ANAPC7: variants seen among roughly 807,000 people sequenced by gnomAD.
ANAPC7 encodes the protein anaphase promoting complex subunit 7.
Under a neutral mutation model 63.3 loss-of-function variants are expected in ANAPC7, and 25 were observed. That is an observed-to-expected ratio of 0.39 (90% CI 0.29 to 0.55). The LOEUF (loss-of-function observed/expected upper bound fraction) is 0.55. Among genes scored for constraint, ANAPC7 ranks in the 20% least tolerant of loss-of-function variants. The pLI, the probability that ANAPC7 is intolerant of heterozygous loss-of-function variation, is 0.57. For missense variants in ANAPC7, 516 were observed against 691.7 expected (o/e 0.75, Z 2.85); for synonymous variants, 241 against 251.7 (o/e 0.96, Z 0.40).
intron 3 of ANAPC7, among the ~76,000 whole-genome samples, chr12:110,391,889 C>T (rs972445112): frequency 2.0e-4 from 30 of 151,906 alleles, no homozygotes; most frequent in African/African-American, 7.0e-4. Context: ...AAGGTCAGAT[C>T]GAGACCATCC....
At chr12:110,382,455 A>ACATATATAT (rs1306028353) in intron 7 of ANAPC7, among the ~76,000 whole-genome samples, 2 of 70,492 alleles carry the variant, frequency 2.8e-5, no homozygotes, top group Admixed American at 1.9e-4. Flanking sequence ...AAAAAAAAAA[A>ACATATATAT]AAAAAAATAT....
intron 6 of ANAPC7, among the ~76,000 whole-genome samples, chr12:110,385,364 T>C (rs1402805198): frequency 6.6e-6 from 1 of 152,226 alleles, no homozygotes; most frequent in Non-Finnish European, 1.5e-5. Context: ...TACCCATCTC[T>C]TGCCACCATT....
intron 9 of ANAPC7, among the ~76,000 whole-genome samples, chr12:110,376,643 A>C (rs1881310136): frequency 6.6e-6 from 1 of 151,632 alleles, no homozygotes; most frequent in South Asian, 2.1e-4. Flanking sequence ...TAAAAAGCCA[A>C]ACTGCTTTGC....
chr12:110,394,669 CAA>C (rs779142936), intron 3 of ANAPC7, among the ~76,000 whole-genome samples: 15 of 42,776 alleles, frequency 3.5e-4, no homozygotes, highest in Middle Eastern at 0.014. Flanking sequence ...AATTCCACCT[CAA>C]AAAAAAAAAA....
rs1325664254 is a variant in ANAPC7, at chr12:110,388,508, C to G, written c.520+4G>C. The G allele has an allele frequency of 6.2e-7, 1 of 1,608,278 alleles. No homozygotes were observed. Reference sequence around the variant, plus strand: ...CCATGAAAACAGGCAGGAAATATCTCTACCTAGAATGGCATCAAGGGCTAA... The same window carrying G: ...CCATGAAAACAGGCAGGAAATATCTGTACCTAGAATGGCATCAAGGGCTAA... On this transcript the variant is annotated splice_donor_region_variant and intron_variant, in intron 4 of 10. Coordinates refer to ENST00000455511, the MANE Select transcript of ANAPC7 (RefSeq NM_016238.3).
intron 10 of ANAPC7, chr12:110,375,527 G>C (rs1380502619): frequency 1.1e-6 from 1 of 903,576 alleles, no homozygotes; most frequent in African/African-American, 1.8e-5. Context: ...ACCAGGCACA[G>C]GGCTAAGAGC....
At chr12:110,377,344 G>C in intron 9 of ANAPC7, 49 bp downstream of exon 9, 1 of 1,547,862 alleles carries the variant, frequency 6.5e-7, no homozygotes, top group Non-Finnish European at 8.9e-7. Flanking sequence ...CTGAGGTCAG[G>C]TTTTATAAAA....
At chr12:110,384,238 GA>G (rs956968936) in intron 6 of ANAPC7, among the ~76,000 whole-genome samples, 34 of 149,890 alleles carry the variant, frequency 2.3e-4, no homozygotes, top group South Asian at 1.9e-3. Context: ...AAAATAGAAA[GA>G]AAAAAAAATT....
At position 110,396,389 on chromosome 12, in the gene ANAPC7, A is replaced by G. The variant is rs749816901; in HGVS notation, c.165T>C (p.His55=). The G allele has an allele frequency of 1.9e-6, 3 of 1,614,072 alleles. No individual in the cohort carries two copies. The Admixed American group carries it at 5.0e-5, about 27-fold the overall frequency. ...TCACAGCATTCCGATATTCCTTATC[A>G]TGAAAGAGAGAATCTGCATGATACA... is the stretch of plus-strand genomic sequence containing the variant. ...LLVYHADSLF[H]DKEYRNAVSK... The change falls in exon 2 of 11, where the codon CAT becomes CAC. Residue 55 remains histidine (H), a synonymous_variant. Transcript: ENST00000455511.
intron 9 of ANAPC7, among the ~76,000 whole-genome samples, chr12:110,376,567 T>TTAAAAAA (rs1881291183): frequency 3.5e-4 from 3 of 8,600 alleles, no homozygotes; most frequent in Non-Finnish European, 6.0e-4. Flanking sequence ...AGACTCCATC[T>TTAAAAAA]CAAAAAAAAA....
intron 1 of ANAPC7, among the ~76,000 whole-genome samples, chr12:110,400,810 C>T (rs1359205691): frequency 6.6e-6 from 1 of 151,406 alleles, no homozygotes; most frequent in East Asian, 1.9e-4. Context: ...CTTTGGGAGG[C>T]CTAAGTCATG....
At chr12:110,401,702 T>C (rs1436547851) in intron 1 of ANAPC7, among the ~76,000 whole-genome samples, 2 of 151,000 alleles carry the variant, frequency 1.3e-5, no homozygotes, top group Non-Finnish European at 3.0e-5. Flanking sequence ...ACCAGACTGG[T>C]CGGCTGGGCG....
chr12:110,394,500 G>A (rs1227492368), intron 3 of ANAPC7, among the ~76,000 whole-genome samples: 2 of 151,360 alleles, frequency 1.3e-5, no homozygotes, highest in East Asian at 3.9e-4. Flanking sequence ...GTGGTGGCAG[G>A]CGCCTATAAT....
rs1403081634 is a variant in ANAPC7 at position 110,377,498 on chromosome 12, G to T, written c.1252C>A (p.Leu418Ile). ...TTCTCCTGTGTCACTGGGTCTTCAA[G>T]ACAAACGGTGGCTAAAAGGGTAAGG... Reference protein sequence around the residue: ...QTLTLLATVCLEDPVTQEKAK... With the variant: ...QTLTLLATVCIEDPVTQEKAK... Residue 418 changes from leucine (L) to isoleucine (I), a missense_variant, in exon 9 of 11, where the codon CTT (leucine) becomes ATT (isoleucine). Around this residue, in one of 4 missense-constraint regions of ANAPC7, gnomAD observed 122 missense variants for 212.0 expected, o/e 0.58. Coordinates refer to ENST00000455511, the MANE Select transcript of ANAPC7 (RefSeq NM_016238.3). 4 of 1,614,192 alleles carry T rather than the reference G, an allele frequency of 2.5e-6. No individual in the cohort carries two copies. The South Asian group carries it at 4.4e-5, about 18-fold the overall frequency.
chr12:110,379,281 C>CAT (rs1252222746), intron 8 of ANAPC7: 6 of 152,186 alleles, frequency 3.9e-5, no homozygotes, highest in African/African-American at 1.2e-4. Flanking sequence ...AAACAGAATG[C>CAT]ACTTGCCTAA....
In ANAPC7 at chr12:110,388,385, C is replaced by T. The variant is rs1023330514; in HGVS notation, c.520+127G>A. The T allele has an allele frequency of 5.9e-6, 4 of 677,252 alleles. No homozygotes were observed. The South Asian group carries it at 8.3e-5, about 14-fold the overall frequency. 42.0% of individuals were successfully genotyped at this position (677,252 alleles called of 1,614,324 possible). A position where few individuals can be genotyped will look rare whatever the true frequency, so the allele number is the denominator to read the frequency against. On this transcript the variant is annotated intron_variant, in intron 4 of 10. Transcript: ENST00000455511. Reference sequence around the variant, plus strand: ...TGATTGAATATGTGACAACAGGAATCCTACTAAATCACTCTCTTCAGGGGA... The same window carrying T: ...TGATTGAATATGTGACAACAGGAATTCTACTAAATCACTCTCTTCAGGGGA...
chr12:110,396,743 G>A (rs1015691658), intron 1 of ANAPC7, among the ~76,000 whole-genome samples: 7 of 151,118 alleles, frequency 4.6e-5, no homozygotes, highest in Admixed American at 2.6e-4. Context: ...TCAAACTCCC[G>A]ACCTCAAGTG....
chr12:110,396,694 T>A (rs951863008), intron 1 of ANAPC7, among the ~76,000 whole-genome samples: 1 of 150,942 alleles, frequency 6.6e-6, no homozygotes, highest in Non-Finnish European at 1.5e-5. Flanking sequence ...TTTTTTTTTT[T>A]AGTAGACATG....
At chr12:110,391,581 C>T (rs953040061) in intron 3 of ANAPC7, among the ~76,000 whole-genome samples, 1 of 152,118 alleles carries the variant, frequency 6.6e-6, no homozygotes, top group African/African-American at 2.4e-5. Flanking sequence ...TGTAAGAGCA[C>T]TACAGAATGA....
Sources: allele counts gnomAD v4.1 joint callset (sites outside exome capture counted in the v4.1 genomes callset), GRCh38; gene constraint gnomAD v4.1.1; regional missense constraint gnomAD v4.1.1; transcripts MANE v1.5; gene names NCBI Gene and HGNC (gene_info 2026-07-23, HGNC 2026-07-21).